The following COP1 variants were observed in gnomAD, a reference collection of about 807,000 sequenced individuals.
The protein encoded by COP1 is COP1 E3 ubiquitin ligase.
Under a neutral mutation model 101.3 loss-of-function variants are expected in COP1, and 24 were observed. The ratio of observed to expected loss-of-function variants is 0.24; its 90% CI spans 0.17 to 0.33. The LOEUF is 0.33. COP1 is among the 10% of genes least tolerant of loss of function. The probability of loss-of-function intolerance (pLI) is 1.00; values close to 1 mark genes in which losing one functional copy is unlikely to be tolerated. For synonymous variants in COP1, 347 were observed against 341.9 expected (o/e 1.01, Z -0.17); for missense variants, 663 against 906.2 (o/e 0.73, Z 3.45).
chr1:175,994,144 A>C (rs1335344751), intron 15 of COP1, among the ~76,000 whole-genome samples: 1 of 152,176 alleles, frequency 6.6e-6, no homozygotes, highest in Non-Finnish European at 1.5e-5. Context: ...CAGCCAAACT[A>C]AGCTTCATAA....
chr1:176,090,645 G>A lies in COP1; in HGVS notation c.1027-4755C>T, dbSNP rs562979680. On this transcript the variant is annotated intron_variant, in intron 9 of 19. Coordinates refer to ENST00000367669, the MANE Select transcript of COP1 (RefSeq NM_022457.7). ...ATTTGGAGAATTAAGCCCAGGGACC[G>A]CAAGTAGGGAAACTGAAAACAGAAT... Among the ~76,000 whole-genome samples the A allele has an allele frequency of 5.3e-5, 8 of 152,238 alleles. No individual in the cohort carries two copies. The East Asian group carries it at 1.3e-3, about 26-fold the overall frequency.
chr1:176,006,349 T>C (rs1219689120), intron 15 of COP1, among the ~76,000 whole-genome samples: 2 of 152,204 alleles, frequency 1.3e-5, no homozygotes, highest in African/African-American at 4.8e-5. Flanking sequence ...TCTATTTATA[T>C]TTAAAGTTAA....
At chr1:175,951,437 A>AATATATATATATATATATATATGTATAT (rs1649884958) in intron 18 of COP1, among the ~76,000 whole-genome samples, 2 of 108,016 alleles carry the variant, frequency 1.9e-5, no homozygotes, top group African/African-American at 6.8e-5. Flanking sequence ...AAGATACGTG[A>AATATATATATATATATATATATGTATAT]ATATATATAT....
intron 8 of COP1, among the ~76,000 whole-genome samples, chr1:176,126,836 A>G (rs1260712125): frequency 6.6e-6 from 1 of 152,146 alleles, no homozygotes; most frequent in African/African-American, 2.4e-5. Flanking sequence ...TCTTATCAAG[A>G]ACCCAAGGAT....
At chr1:176,134,109 T>C (rs527438011) in intron 8 of COP1, among the ~76,000 whole-genome samples, 1 of 152,098 alleles carries the variant, frequency 6.6e-6, no homozygotes, top group East Asian at 1.9e-4. Context: ...CTGTACATGA[T>C]GTACTGAACT....
chr1:176,182,335 A>G (rs1290428505), intron 2 of COP1, among the ~76,000 whole-genome samples: 1 of 152,272 alleles, frequency 6.6e-6, no homozygotes, highest in Non-Finnish European at 1.5e-5. Flanking sequence ...TTTCAGAACC[A>G]GAAGTAGAAT....
At chr1:176,096,527 T>C (rs888319259) in intron 9 of COP1, among the ~76,000 whole-genome samples, 14 of 152,362 alleles carry the variant, frequency 9.2e-5, no homozygotes, top group African/African-American at 3.1e-4. Context: ...CCTGCATGGT[T>C]GACTGGCCAG....
chr1:176,156,569 G>C (rs1693485009), intron 5 of COP1, among the ~76,000 whole-genome samples: 1 of 152,066 alleles, frequency 6.6e-6, no homozygotes, highest in African/African-American at 2.4e-5. Flanking sequence ...ACTTTATAAG[G>C]ACAATGACAG....
At chr1:175,968,327 C>T in intron 18 of COP1, 1 of 405,080 alleles carries the variant, frequency 2.5e-6, no homozygotes, top group Non-Finnish European at 4.9e-6. Flanking sequence ...AAAAATAATA[C>T]AGTACTCATA....
chr1:175,968,624 A>T, intron 18 of COP1: 1 of 420,464 alleles, frequency 2.4e-6, no homozygotes. Flanking sequence ...TTCTCATTTA[A>T]ATATACTTCA....
chr1:176,180,046 T>G (rs1250443437), intron 2 of COP1, among the ~76,000 whole-genome samples: 1 of 152,224 alleles, frequency 6.6e-6, no homozygotes, highest in Non-Finnish European at 1.5e-5. Flanking sequence ...GAGCATCTAC[T>G]ACTTCACTAC....
chr1:176,180,158 A>T (rs1433119915), intron 2 of COP1, among the ~76,000 whole-genome samples: 8 of 152,160 alleles, frequency 5.3e-5, no homozygotes, highest in Admixed American at 1.3e-4. Context: ...TGGTCATTAA[A>T]TGCAAGGATT....
intron 18 of COP1, chr1:175,982,207 T>C (rs1656035709): frequency 3.1e-6 from 1 of 320,786 alleles, no homozygotes; most frequent in African/African-American, 2.2e-5. Flanking sequence ...GAGTTAAAAT[T>C]AGGTTACAGA....
chr1:176,049,246 T>A (rs1672114954), intron 11 of COP1, among the ~76,000 whole-genome samples: 1 of 151,748 alleles, frequency 6.6e-6, no homozygotes, highest in South Asian at 2.1e-4. Context: ...TTTCTTCTGC[T>A]GGTATCCTGT....
intron 5 of COP1, among the ~76,000 whole-genome samples, chr1:176,151,353 A>AAG (rs1553292719): frequency 3.0e-4 from 35 of 116,094 alleles, no homozygotes; most frequent in Admixed American, 4.8e-4. Flanking sequence ...GAAAGAAAGA[A>AAG]AAAGAAAGAA....
At chr1:176,118,721 C>T (rs1445822245) in intron 8 of COP1, among the ~76,000 whole-genome samples, 6 of 152,118 alleles carry the variant, frequency 3.9e-5, no homozygotes, top group African/African-American at 9.7e-5. Context: ...CGCTGCATTC[C>T]AGCCTGGGCA....
chr1:176,178,699 A>C (rs1401762697), intron 2 of COP1, among the ~76,000 whole-genome samples: 1 of 151,952 alleles, frequency 6.6e-6, no homozygotes, highest in Non-Finnish European at 1.5e-5. Flanking sequence ...TAAACATACA[A>C]AAAATTAGCT....
chr1:176,172,301 CA>C (rs1301438764), intron 3 of COP1, among the ~76,000 whole-genome samples: 1 of 152,176 alleles, frequency 6.6e-6, no homozygotes, highest in Non-Finnish European at 1.5e-5. Flanking sequence ...CTCAGCCTTC[CA>C]AAGTGTTAGG....
At chr1:176,063,047 G>GTTTTTTTTTTTTTTTT (rs34464104) in intron 11 of COP1, among the ~76,000 whole-genome samples, 7 of 90,590 alleles carry the variant, frequency 7.7e-5, no homozygotes, top group Non-Finnish European at 9.8e-5. Context: ...TTTTGAAAAT[G>GTTTTTTTTTTTTTTTT]TTTTTTTTTT....
Sources: gnomAD v4.1 joint callset for allele counts (sites outside exome capture counted in the v4.1 genomes callset) on GRCh38, gnomAD v4.1.1 for gene constraint, MANE v1.5 for transcripts, NCBI Gene and HGNC (gene_info 2026-07-23, HGNC 2026-07-21) for gene names.